The following LRP1B variants were observed in gnomAD, a reference collection of about 807,000 sequenced individuals.
The protein encoded by LRP1B is LDL receptor related protein 1B, also known as low-density lipoprotein receptor-related protein 1B.
Under a neutral mutation model 556.6 loss-of-function variants are expected in LRP1B, and 217 were observed. The ratio of observed to expected loss-of-function variants is 0.39; its 90% CI spans 0.35 to 0.44. The LOEUF (loss-of-function observed/expected upper bound fraction) is 0.44, where lower values mean the gene tolerates loss of function less well. Ranked by LOEUF, LRP1B falls within the 20% of genes least tolerant of loss-of-function variation. The pLI is 1.00. For synonymous variants in LRP1B, 2,047 were observed against 1,865.8 expected, an observed-to-expected ratio of 1.10 and a Z score of -2.50; for missense variants, 5,053 against 5,620.8, an observed-to-expected ratio of 0.90 and a Z score of 3.23.
At chr2:141,834,507 G>T (rs561096798) in intron 1 of LRP1B, among the ~76,000 whole-genome samples, 1 of 152,022 alleles carries the variant, frequency 6.6e-6, no homozygotes, top group East Asian at 1.9e-4. Context: ...TTTTCTGAGT[G>T]GAGGTACCAT....
chr2:141,011,071 C>CAGAG (rs143409764), intron 14 of LRP1B, among the ~76,000 whole-genome samples: 24,349 of 142,644 alleles, frequency 0.17, 2,119 homozygotes, highest in Middle Eastern at 0.23. Context: ...TGTATTCTCT[C>CAGAG]AGAGAGAGAG....
chr2:140,491,536 A>C (rs956686936), intron 57 of LRP1B, among the ~76,000 whole-genome samples: 1 of 152,116 alleles, frequency 6.6e-6, no homozygotes, highest in African/African-American at 2.4e-5. Context: ...TTAATATCTT[A>C]TAATTTTGAT....
In LRP1B at chr2:140,297,882, G is replaced by T. The variant is rs139037100; in HGVS notation, c.12893C>A (p.Thr4298Asn). Residue 4298 changes from threonine (T) to asparagine (N), a missense_variant, in exon 84 of 91, where the codon ACC (threonine) becomes AAC (asparagine). Physicochemically the swap from Thr to Asn is moderately conservative, Grantham distance 65. Around this residue, in one of 5 missense-constraint regions of LRP1B, gnomAD observed 551 missense variants for 592.0 expected, o/e 0.93. Transcript: ENST00000389484. ...CTGGTTTCCAGCAGTCACAATGCAG[G>T]TTCCTCCATTTTGACAAAAATCCTC... Reference protein sequence around the residue: ...VCEDFCQNGGTCIVTAGNQPY... With the variant: ...VCEDFCQNGGNCIVTAGNQPY... 24 of 1,613,898 alleles carry T rather than the reference G, an allele frequency of 1.5e-5. No homozygotes were observed. Among genetic ancestry groups the T allele is most frequent in the Non-Finnish European group, 2.0e-5 (24 of 1,179,940 alleles).
intron 35 of LRP1B, among the ~76,000 whole-genome samples, chr2:140,741,285 C>A (rs1311088455): frequency 6.6e-6 from 1 of 152,056 alleles, no homozygotes; most frequent in Admixed American, 6.6e-5. Flanking sequence ...ACACATATGA[C>A]AAAGCGAAGC....
intron 41 of LRP1B, among the ~76,000 whole-genome samples, chr2:140,604,695 G>A (rs1682803160): frequency 6.6e-6 from 1 of 152,112 alleles, no homozygotes; most frequent in Non-Finnish European, 1.5e-5. Flanking sequence ...AAATCCAGTT[G>A]CAAAGTGGTT....
intron 32 of LRP1B, among the ~76,000 whole-genome samples, chr2:140,806,513 A>C (rs920495858): frequency 6.6e-6 from 1 of 152,206 alleles, no homozygotes; most frequent in East Asian, 1.9e-4. Context: ...CATAGGTGTG[A>C]GTGAAGGGTG....
chr2:141,778,570 G>GTACAT (rs71391665), intron 2 of LRP1B, among the ~76,000 whole-genome samples: 1 of 152,126 alleles, frequency 6.6e-6, no homozygotes, highest in Non-Finnish European at 1.5e-5. Flanking sequence ...GTAAGTCACA[G>GTACAT]CCATTTCCTA....
At chr2:140,901,999 C>T (rs545412290) in intron 23 of LRP1B, among the ~76,000 whole-genome samples, 29 of 152,048 alleles carry the variant, frequency 1.9e-4, no homozygotes, top group Admixed American at 8.5e-4. Flanking sequence ...GAGATATGTG[C>T]GGCAACTATA....
chr2:140,463,915 G>T (rs1002263835), intron 60 of LRP1B, among the ~76,000 whole-genome samples: 1 of 152,128 alleles, frequency 6.6e-6, no homozygotes, highest in Non-Finnish European at 1.5e-5. Context: ...TAATACTGTG[G>T]CCAGGAGTGG....
intron 71 of LRP1B, 25 bp downstream of exon 71, chr2:140,370,685 G>A (rs1558835350): frequency 3.1e-6 from 5 of 1,608,366 alleles, no homozygotes; most frequent in Admixed American, 3.3e-5. Flanking sequence ...TCATTTACAG[G>A]CACACACACA....
At chr2:140,932,355 T>C (rs1035514876) in intron 20 of LRP1B, among the ~76,000 whole-genome samples, 2 of 152,088 alleles carry the variant, frequency 1.3e-5, no homozygotes, top group Non-Finnish European at 2.9e-5. Flanking sequence ...GTCTACCACC[T>C]GTTTGTGTAA....
intron 2 of LRP1B, among the ~76,000 whole-genome samples, chr2:141,641,903 A>C (rs894241196): frequency 2.2e-4 from 34 of 152,154 alleles, no homozygotes; most frequent in African/African-American, 6.8e-4. Flanking sequence ...CTTTGATATG[A>C]AGCCAGGTTT....
intron 1 of LRP1B, among the ~76,000 whole-genome samples, chr2:142,100,050 G>C (rs537174153): frequency 6.6e-6 from 1 of 151,992 alleles, no homozygotes; most frequent in East Asian, 1.9e-4. Context: ...CAATGCAAAT[G>C]TTGCCACAAT....
chr2:140,718,557 A>G (rs1173430830), intron 35 of LRP1B, among the ~76,000 whole-genome samples: 1 of 152,082 alleles, frequency 6.6e-6, no homozygotes, highest in Admixed American at 6.6e-5. Context: ...GCCGCTTAGA[A>G]AAGTATAGCT....
intron 17 of LRP1B, 65 bp from the exon 18 acceptor site, chr2:140,982,341 T>G: frequency 1.0e-6 from 1 of 958,222 alleles, no homozygotes; most frequent in Non-Finnish European, 1.7e-6. Flanking sequence ...AGGATATAAT[T>G]AAGCATGCAA....
chr2:141,494,657 T>C (rs1463897345), intron 2 of LRP1B, among the ~76,000 whole-genome samples: 1 of 151,272 alleles, frequency 6.6e-6, no homozygotes. Context: ...CAGTATTTGG[T>C]GACTAGCGAA....
intron 83 of LRP1B, among the ~76,000 whole-genome samples, chr2:140,305,550 G>T (rs1194071687): frequency 6.6e-6 from 1 of 152,100 alleles, no homozygotes; most frequent in Non-Finnish European, 1.5e-5. Flanking sequence ...AGGGGATTTT[G>T]GGCTGAGAAA....
chr2:141,947,629 C>T (rs1051475348), intron 1 of LRP1B, among the ~76,000 whole-genome samples: 6 of 152,038 alleles, frequency 3.9e-5, no homozygotes, highest in Non-Finnish European at 7.4e-5. Flanking sequence ...ATGCAGCCTC[C>T]AACAAATGTA....
At chr2:140,285,849 T>G (rs1485368464) in intron 84 of LRP1B, among the ~76,000 whole-genome samples, 1 of 26,808 alleles carries the variant, frequency 3.7e-5, no homozygotes, top group African/African-American at 5.9e-5. Flanking sequence ...CAGTCATTAC[T>G]CTTTCATTGT....
Sources: gnomAD v4.1 joint callset for allele counts (sites outside exome capture counted in the v4.1 genomes callset) on GRCh38, gnomAD v4.1.1 for gene constraint, gnomAD v4.1.1 regional missense constraint, MANE v1.5 for transcripts, NCBI Gene and HGNC (gene_info 2026-07-23, HGNC 2026-07-21) for gene names.